The following PTER variants were observed in gnomAD, a reference collection of about 807,000 sequenced individuals.
PTER encodes the protein phosphotriesterase related.
In PTER, 38 loss-of-function variants were observed where a neutral mutation model predicts 29.6. The observed-to-expected ratio is 1.28, with a 90% CI of 0.99 to 1.68. The LOEUF is 1.68. Among genes scored for constraint, PTER ranks in the 40% most tolerant of loss-of-function variants. The pLI is 0.00. For synonymous variants in PTER, 172 were observed against 154.5 expected (o/e 1.11, Z -0.84); for missense variants, 482 against 427.8 (o/e 1.13, Z -1.12).
chr10:16,516,781 C>T (rs1054310679), downstream of PTER, among the ~76,000 whole-genome samples: 2 of 152,200 alleles, frequency 1.3e-5, no homozygotes, highest in African/African-American at 2.4e-5. Context: ...CAAATTCCTG[C>T]GAATGCATTA....
intron 4 of PTER, among the ~76,000 whole-genome samples, chr10:16,508,069 TC>T (rs1836650471): frequency 8.0e-6 from 1 of 125,684 alleles, no homozygotes; most frequent in Admixed American, 7.7e-5. Context: ...TTTTTCTTTT[TC>T]TTTTTTTTTT....
intron 1 of PTER, among the ~76,000 whole-genome samples, chr10:16,482,304 G>A (rs777376459): frequency 6.6e-6 from 1 of 152,092 alleles, no homozygotes; most frequent in Non-Finnish European, 1.5e-5. Flanking sequence ...CTTGTCTTAC[G>A]TGTGTACTAT....
intron 3 of PTER, among the ~76,000 whole-genome samples, chr10:16,499,637 T>C (rs557071083): frequency 1.3e-5 from 2 of 151,992 alleles, no homozygotes; most frequent in African/African-American, 4.8e-5. Context: ...AGAAATGGGG[T>C]TTTGCCATGT....
chr10:16,477,988 C>T (rs1181094323), intron 1 of PTER, among the ~76,000 whole-genome samples: 2 of 152,134 alleles, frequency 1.3e-5, no homozygotes, highest in African/African-American at 4.8e-5. Flanking sequence ...GGACAGACTT[C>T]AACGTGGAGA....
intron 1 of PTER, among the ~76,000 whole-genome samples, chr10:16,439,603 G>C (rs1833776282): frequency 6.6e-6 from 1 of 152,228 alleles, no homozygotes; most frequent in South Asian, 2.1e-4. Flanking sequence ...CATGAGAGGA[G>C]CTTGGTAAAT....
downstream of PTER, chr10:16,514,475 G>A (rs1836917019): frequency 6.7e-7 from 1 of 1,494,908 alleles, no homozygotes; most frequent in African/African-American, 1.4e-5. Flanking sequence ...ACTGACGTTA[G>A]CCATACGAAT....
intron 1 of PTER, among the ~76,000 whole-genome samples, chr10:16,466,036 A>C (rs1834800899): frequency 6.6e-6 from 1 of 152,106 alleles, no homozygotes; most frequent in African/African-American, 2.4e-5. Flanking sequence ...TTGAGATGAG[A>C]TTTGGGTGGG....
intron 1 of PTER, among the ~76,000 whole-genome samples, chr10:16,481,781 A>C (rs1311773347): frequency 6.6e-6 from 1 of 152,216 alleles, no homozygotes; most frequent in African/African-American, 2.4e-5. Context: ...AATTTAGCTC[A>C]GTTTCTGCCC....
chr10:16,505,427 C>A (rs967021840), intron 4 of PTER, among the ~76,000 whole-genome samples: 1 of 152,064 alleles, frequency 6.6e-6, no homozygotes, highest in African/African-American at 2.4e-5. Flanking sequence ...CAGATAATAC[C>A]CAACCCCTGC....
downstream of PTER, among the ~76,000 whole-genome samples, chr10:16,518,048 A>G (rs11254044): frequency 0.24 from 36,438 of 152,104 alleles, 4,908 homozygotes; most frequent in African/African-American, 0.35. Context: ...TCCATAGAAC[A>G]TTACACTGAC....
chr10:16,492,138 C>G (rs1420417533), intron 3 of PTER, among the ~76,000 whole-genome samples: 1 of 152,198 alleles, frequency 6.6e-6, no homozygotes. Flanking sequence ...AACAGCTTGA[C>G]AAGATAAATC....
chr10:16,492,614 AT>A (rs1835939196), intron 3 of PTER, among the ~76,000 whole-genome samples: 1 of 152,202 alleles, frequency 6.6e-6, no homozygotes, highest in Non-Finnish European at 1.5e-5. Context: ...GCTGGCAGGT[AT>A]TTGGGTAGCA....
intron 1 of PTER, among the ~76,000 whole-genome samples, chr10:16,450,091 G>A (rs1588584934): frequency 6.6e-6 from 1 of 152,280 alleles, no homozygotes; most frequent in East Asian, 1.9e-4. Context: ...TCCCATGCCT[G>A]TTCTCCAGAT....
At chr10:16,443,160 G>A (rs903136414) in intron 1 of PTER, among the ~76,000 whole-genome samples, 4 of 152,154 alleles carry the variant, frequency 2.6e-5, no homozygotes, top group African/African-American at 9.7e-5. Context: ...CTGGCAGCTG[G>A]AAGTCCCAGA....
downstream of PTER, chr10:16,514,231 G>A: frequency 2.3e-6 from 1 of 440,866 alleles, no homozygotes; most frequent in Non-Finnish European, 4.0e-6. Context: ...ATAATTCAAT[G>A]TCTTAGATTT....
chr10:16,439,167 G>A (rs1833762388), intron 1 of PTER, among the ~76,000 whole-genome samples: 1 of 152,092 alleles, frequency 6.6e-6, no homozygotes, highest in Non-Finnish European at 1.5e-5. Context: ...ATCAATAAAT[G>A]TGTATTTTGG....
chr10:16,466,800 C>A (rs1418572898), intron 1 of PTER, among the ~76,000 whole-genome samples: 2 of 152,188 alleles, frequency 1.3e-5, no homozygotes, highest in African/African-American at 4.8e-5. Flanking sequence ...ATTTGTGCAA[C>A]TGAATCATAC....
intron 1 of PTER, among the ~76,000 whole-genome samples, chr10:16,476,594 TTTAC>T (rs1332844892): frequency 6.6e-6 from 1 of 151,946 alleles, no homozygotes; most frequent in Non-Finnish European, 1.5e-5. Context: ...AAGACAGGGT[TTTAC>T]TTTGTTGGCC....
chr10:16,478,866 T>C (rs944831782), intron 1 of PTER, among the ~76,000 whole-genome samples: 1 of 152,140 alleles, frequency 6.6e-6, no homozygotes, highest in African/African-American at 2.4e-5. Flanking sequence ...ATGGCTTCAA[T>C]GGATTTACTT....
Sources: gnomAD v4.1 joint callset for allele counts (sites outside exome capture counted in the v4.1 genomes callset) on GRCh38, gnomAD v4.1.1 for gene constraint, MANE v1.5 for transcripts, NCBI Gene and HGNC (gene_info 2026-07-23, HGNC 2026-07-21) for gene names.